Variants in CIRSR observed in about 807,000 individuals in gnomAD.
CIRSR encodes the protein CBF1 (RBPJ) interacting corepressor 1.
At chr2:174,386,474 G>C in the CIRSR span, among the ~76,000 whole-genome samples, 7 of 151,520 alleles carry the variant, frequency 4.6e-5, no homozygotes, top group Admixed American at 4.6e-4. Flanking sequence ...GAGCCACTGC[G>C]CCCGACCAAA....
At chr2:174,368,991 A>G in the CIRSR span, among the ~76,000 whole-genome samples, 1 of 152,238 alleles carries the variant, frequency 6.6e-6, no homozygotes, top group Non-Finnish European at 1.5e-5. Flanking sequence ...TACCAGCTGC[A>G]TTAGCCTCTA....
chr2:174,386,575 C>T, the CIRSR span, among the ~76,000 whole-genome samples: 1 of 152,078 alleles, frequency 6.6e-6, no homozygotes, highest in Non-Finnish European at 1.5e-5. Context: ...GGCTGTTTTG[C>T]GGCATCCATA....
At chr2:174,385,722 A>T in the CIRSR span, among the ~76,000 whole-genome samples, 596 of 152,330 alleles carry the variant, frequency 3.9e-3, 3 homozygotes, top group Admixed American at 0.018. Context: ...AACTGGAGCA[A>T]GAAAATAAGT....
At chr2:174,386,567 C>T in the CIRSR span, among the ~76,000 whole-genome samples, 1 of 152,128 alleles carries the variant, frequency 6.6e-6, no homozygotes, top group Non-Finnish European at 1.5e-5. Context: ...GCATTGTAGG[C>T]TGTTTTGCGG....
At chr2:174,375,433 C>T in the CIRSR span, among the ~76,000 whole-genome samples, 3 of 152,090 alleles carry the variant, frequency 2.0e-5, no homozygotes, top group Admixed American at 6.6e-5. Context: ...CATGGTGAAA[C>T]CCCATCTCTA....
chr2:174,378,897 C>G, the CIRSR span: 1 of 1,494,042 alleles, frequency 6.7e-7, no homozygotes, highest in Non-Finnish European at 9.3e-7. Flanking sequence ...TGTCCTCTCC[C>G]GAAACAAATC....
the CIRSR span, among the ~76,000 whole-genome samples, chr2:174,383,624 G>A: frequency 2.7e-5 from 4 of 149,930 alleles, no homozygotes; most frequent in Non-Finnish European, 4.4e-5. Context: ...GGAGGCTGAG[G>A]CACAAAAATC....
At chr2:174,380,527 C>A in the CIRSR span, 9 of 863,312 alleles carry the variant, frequency 1.0e-5, no homozygotes, top group East Asian at 7.6e-5. Flanking sequence ...TAATTAAAAT[C>A]ATTAAAGATA....
the CIRSR span, among the ~76,000 whole-genome samples, chr2:174,368,011 T>C: frequency 6.6e-6 from 1 of 152,098 alleles, no homozygotes; most frequent in Non-Finnish European, 1.5e-5. Context: ...AGGGGTCAAT[T>C]ACCCAGGAAG....
At chr2:174,352,145 A>G in the CIRSR span, among the ~76,000 whole-genome samples, 49 of 152,254 alleles carry the variant, frequency 3.2e-4, no homozygotes, top group African/African-American at 1.1e-3. Flanking sequence ...TTCCAATTCA[A>G]AATTCCTCAT....
the CIRSR span, among the ~76,000 whole-genome samples, chr2:174,377,778 T>C: frequency 5.2e-5 from 7 of 135,290 alleles, no homozygotes; most frequent in East Asian, 2.5e-4. Flanking sequence ...TGAGCCGAGA[T>C]TGCGCCACTG....
At chr2:174,383,405 T>C in the CIRSR span, among the ~76,000 whole-genome samples, 1 of 152,156 alleles carries the variant, frequency 6.6e-6, no homozygotes, top group East Asian at 1.9e-4. Flanking sequence ...ATAAGTTACA[T>C]TTTAAATTCA....
the CIRSR span, chr2:174,348,431 A>T: frequency 5.9e-6 from 9 of 1,525,098 alleles, no homozygotes; most frequent in Non-Finnish European, 7.9e-6. Context: ...GGTATTCAAT[A>T]AAAAAGTGGA....
the CIRSR span, among the ~76,000 whole-genome samples, chr2:174,372,864 G>C: frequency 6.6e-6 from 1 of 152,108 alleles, no homozygotes; most frequent in African/African-American, 2.4e-5. Flanking sequence ...TTACAGGTGT[G>C]AGCCACCGAG....
chr2:174,365,482 T>C, the CIRSR span, among the ~76,000 whole-genome samples: 3 of 152,180 alleles, frequency 2.0e-5, no homozygotes, highest in African/African-American at 4.8e-5. Context: ...CAATTTACTA[T>C]ATTAGTCCAT....
the CIRSR span, among the ~76,000 whole-genome samples, chr2:174,381,219 T>G: frequency 1.1e-4 from 16 of 152,340 alleles, no homozygotes; most frequent in African/African-American, 3.8e-4. Flanking sequence ...AGATATTTTT[T>G]AGTATTTATT....
chr2:174,355,597 C>G, the CIRSR span, among the ~76,000 whole-genome samples: 1 of 152,098 alleles, frequency 6.6e-6, no homozygotes, highest in Admixed American at 6.6e-5. Context: ...TAGACCCAGG[C>G]TCTACTAGAA....
chr2:174,360,571 A>T, the CIRSR span, among the ~76,000 whole-genome samples: 3 of 152,196 alleles, frequency 2.0e-5, no homozygotes, highest in Admixed American at 6.5e-5. Context: ...CTTGAAGCTG[A>T]TAGACCTTGA....
At chr2:174,371,936 T>C in the CIRSR span, among the ~76,000 whole-genome samples, 1 of 152,206 alleles carries the variant, frequency 6.6e-6, no homozygotes, top group Non-Finnish European at 1.5e-5. Flanking sequence ...CATTATTCAA[T>C]AGGTGATTTT....
Sources: gnomAD v4.1 joint callset for allele counts (sites outside exome capture counted in the v4.1 genomes callset) on GRCh38, gnomAD v4.1.1 for gene constraint, MANE v1.5 for transcripts, NCBI Gene and HGNC (gene_info 2026-07-23, HGNC 2026-07-21) for gene names.